NDUFA10: variants seen among roughly 807,000 people sequenced by gnomAD.
NDUFA10 encodes the protein NADH dehydrogenase [ubiquinone] 1 alpha subcomplex subunit 10, mitochondrial.
In NDUFA10, 40 loss-of-function variants were observed where a neutral mutation model predicts 47.8. The ratio of observed to expected loss-of-function variants is 0.84; its 90% CI spans 0.65 to 1.09. The LOEUF (loss-of-function observed/expected upper bound fraction) is 1.09. Ranked by LOEUF, NDUFA10 falls within the 50% of genes least tolerant of loss-of-function variation. The pLI is 0.00. For missense variants in NDUFA10, 413 were observed against 451.1 expected (o/e 0.92, Z 0.76); for synonymous variants, 183 against 172.2 (o/e 1.06, Z -0.49).
At chr2:239,976,027 A>G (rs1190395349) in intron 9 of NDUFA10, among the ~76,000 whole-genome samples, 1 of 152,174 alleles carries the variant, frequency 6.6e-6, no homozygotes, top group Non-Finnish European at 1.5e-5. Flanking sequence ...TCTAATAGTC[A>G]AGAAGTTACT....
chr2:239,896,622 T>C (rs1361405571), intron 4 of NDUFA10, among the ~76,000 whole-genome samples: 1 of 152,192 alleles, frequency 6.6e-6, no homozygotes, highest in African/African-American at 2.4e-5. Context: ...AAACCAACTG[T>C]AAAAACACAT....
intron 9 of NDUFA10, among the ~76,000 whole-genome samples, chr2:239,966,644 A>C (rs1003047060): frequency 2.0e-5 from 3 of 151,932 alleles, no homozygotes; most frequent in Non-Finnish European, 2.9e-5. Context: ...TCCATGCTTA[A>C]TGTAAACTAA....
intron 9 of NDUFA10, among the ~76,000 whole-genome samples, chr2:239,977,155 C>T (rs535094401): frequency 6.6e-6 from 1 of 152,208 alleles, no homozygotes; most frequent in African/African-American, 2.4e-5. Flanking sequence ...AGAGAGACAG[C>T]AAGTCTAGAA....
chr2:239,966,956 G>A (rs1391070782), intron 9 of NDUFA10, among the ~76,000 whole-genome samples: 1 of 149,160 alleles, frequency 6.7e-6, no homozygotes, highest in Non-Finnish European at 1.5e-5. Context: ...CGTGTCCCCT[G>A]GCTCCTGAGT....
intron 9 of NDUFA10, chr2:239,982,234 G>A (rs1695807491): frequency 8.1e-6 from 13 of 1,612,366 alleles, no homozygotes; most frequent in East Asian, 2.2e-5. Context: ...AAGGTTAGAC[G>A]AAACAATTCT....
At chr2:239,892,479 T>A (rs1475685478) in exon 6 of NDUFA10, 3 of 152,250 alleles carry the variant, frequency 2.0e-5, no homozygotes, top group Non-Finnish European at 4.4e-5. Flanking sequence ...GCCTGAAGCT[T>A]TAATGCTGTA....
intron 4 of NDUFA10, among the ~76,000 whole-genome samples, chr2:239,895,754 G>A (rs1204791903): frequency 1.3e-4 from 20 of 152,206 alleles, no homozygotes; most frequent in Admixed American, 1.0e-3. Context: ...ACATATGTAT[G>A]TATATTTAAT....
intron 9 of NDUFA10, among the ~76,000 whole-genome samples, chr2:239,967,259 G>A (rs1010702235): frequency 9.2e-5 from 14 of 152,188 alleles, no homozygotes; most frequent in African/African-American, 1.7e-4. Flanking sequence ...TTGGTTTCTC[G>A]TTATGAATTT....
rs112410055 is a variant in NDUFA10, at chr2:239,898,919, T to G, written c.295-3605A>C. 8.7e-3 allele frequency among the ~76,000 whole-genome samples: 1,081 copies of G among 123,750 alleles called. 79 individuals are homozygous for G. Among genetic ancestry groups the G allele is most frequent in the East Asian group, 0.018 (86 of 4,750 alleles). The allele number at this position is 123,750 out of a possible 152,430, so 81.2% of individuals were successfully genotyped here. On this transcript the variant is annotated intron_variant, in intron 4 of 5. Coordinates refer to the NDUFA10 transcript ENST00000419408. ...TGTGAAGGAGGGGAGTGATGGAAGG[T>G]TGTGATGGAGGGGTGTGACGGAGGG...
At chr2:239,964,286 G>C (rs1297973746) in intron 9 of NDUFA10, among the ~76,000 whole-genome samples, 1 of 152,144 alleles carries the variant, frequency 6.6e-6, no homozygotes, top group Non-Finnish European at 1.5e-5. Flanking sequence ...AAGGAGATGT[G>C]ACAATGGAAG....
intron 9 of NDUFA10, among the ~76,000 whole-genome samples, chr2:239,964,759 C>G (rs528709368): frequency 2.0e-5 from 3 of 152,188 alleles, no homozygotes; most frequent in Non-Finnish European, 4.4e-5. Flanking sequence ...AGCCAGGAAA[C>G]GGTAACGCTG....
intron 4 of NDUFA10, among the ~76,000 whole-genome samples, chr2:239,949,401 C>T (rs1019385650): frequency 5.3e-5 from 8 of 152,110 alleles, no homozygotes; most frequent in Non-Finnish European, 1.0e-4. Context: ...CTGGTGGATT[C>T]GGGAAGGCAG....
downstream of NDUFA10, among the ~76,000 whole-genome samples, chr2:239,956,120 C>T: frequency 6.6e-6 from 1 of 152,172 alleles, no homozygotes; most frequent in East Asian, 1.9e-4. Context: ...CACTGACTCC[C>T]AAGAGCTAGC....
chr2:239,933,517 T>TTTTTTTTTTG (rs1553558205), intron 4 of NDUFA10, among the ~76,000 whole-genome samples: 1 of 149,052 alleles, frequency 6.7e-6, no homozygotes, highest in Non-Finnish European at 1.5e-5. Context: ...TTTTTTTGTT[T>TTTTTTTTTTG]TTTTGTTTTG....
intron 9 of NDUFA10, among the ~76,000 whole-genome samples, chr2:239,977,484 G>T (rs1252652970): frequency 1.3e-5 from 2 of 152,188 alleles, no homozygotes; most frequent in Non-Finnish European, 1.5e-5. Flanking sequence ...GCAGGTGAGA[G>T]GATTCACAGG....
chr2:239,947,573 ACT>A (rs958060912), intron 4 of NDUFA10, among the ~76,000 whole-genome samples: 9 of 151,546 alleles, frequency 5.9e-5, no homozygotes, highest in Admixed American at 5.9e-4. Context: ...ACGGCTCCTG[ACT>A]CTCTGAGGCC....
Position 239,959,007 on chromosome 2 carries a change from C to G in NDUFA10, c.*2111G>C. 1 of 985,424 alleles carries G rather than the reference C, an allele frequency of 1.0e-6. No homozygotes were observed. The highest frequency in any genetic ancestry group is 1.2e-6 in the Non-Finnish European group (1 of 829,952). 61.0% of individuals were successfully genotyped at this position (985,424 alleles called of 1,614,324 possible). On this transcript the variant is annotated 3_prime_UTR_variant, in exon 10 of 10. Transcript: ENST00000252711. ...ATGTACTGCTCTGAAATAAGGAAAT[C>G]GGGGCATCTCCTCACCTCTTCTTGA...
At chr2:240,019,343 G>A (rs1347852042) in intron 3 of NDUFA10, among the ~76,000 whole-genome samples, 2 of 152,126 alleles carry the variant, frequency 1.3e-5, no homozygotes, top group Non-Finnish European at 2.9e-5. Flanking sequence ...TAATGAATAC[G>A]TTAACCCAGT....
intron 8 of NDUFA10, among the ~76,000 whole-genome samples, chr2:239,999,816 G>A (rs1355052334): frequency 6.6e-6 from 1 of 152,224 alleles, no homozygotes; most frequent in African/African-American, 2.4e-5. Flanking sequence ...GAGCCTTCCC[G>A]TGGCTTTCCT....
Sources: gnomAD v4.1 joint callset for allele counts (sites outside exome capture counted in the v4.1 genomes callset) on GRCh38, gnomAD v4.1.1 for gene constraint, MANE v1.5 for transcripts, NCBI Gene and HGNC (gene_info 2026-07-23, HGNC 2026-07-21) for gene names.